NBAS: variants seen among roughly 807,000 people sequenced by gnomAD.
NBAS encodes NBAS subunit of NRZ tethering complex, also known as NAG/BC035112 fusion.
NBAS carries 219 observed loss-of-function variants against 302.5 expected under a neutral mutation model. The ratio of observed to expected loss-of-function variants is 0.72; its 90% CI spans 0.65 to 0.81. The LOEUF is 0.81. Among genes scored for constraint, NBAS ranks in the 30% least tolerant of loss-of-function variants. The probability of loss-of-function intolerance (pLI) is 0.00; values close to 1 mark genes in which losing one functional copy is unlikely to be tolerated. For synonymous variants in NBAS, 1,118 were observed against 1,021.6 expected (o/e 1.09, Z -1.80); for missense variants, 2,932 against 2,841.6 (o/e 1.03, Z -0.72).
chr2:15,406,247 A>T (rs1676410463), intron 25 of NBAS, among the ~76,000 whole-genome samples: 2 of 152,154 alleles, frequency 1.3e-5, no homozygotes, highest in African/African-American at 2.4e-5. Flanking sequence ...TAGAATATAG[A>T]AACTCTAGAA....
chr2:15,068,641 A>G, the NBAS span, among the ~76,000 whole-genome samples: 1 of 152,214 alleles, frequency 6.6e-6, no homozygotes, highest in Admixed American at 6.5e-5. Flanking sequence ...AGCAGTAGTT[A>G]ATAGGGGTAG....
chr2:15,305,449 G>GC lies in NBAS; in HGVS notation c.4797+2766_4797+2767insG, dbSNP rs766552962. ...TTTATAAATTACTCAGTCTCGAGCA[G>GC]TTTTTTTTTTTTTTTTTTTTTAGAT... On this transcript the variant is annotated intron_variant, in intron 40 of 51. Coordinates refer to ENST00000281513, the MANE Select transcript of NBAS (RefSeq NM_015909.4). Among the ~76,000 whole-genome samples, 215 of 123,772 alleles carry GC rather than the reference G, an allele frequency of 1.7e-3. 6 individuals carry two copies. The highest frequency in any genetic ancestry group is 1.0e-3 in the Admixed American group (12 of 11,890). 81.2% of individuals were successfully genotyped at this position (123,772 alleles called of 152,430 possible).
the NBAS span, among the ~76,000 whole-genome samples, chr2:15,102,609 C>T: frequency 6.6e-6 from 1 of 152,098 alleles, no homozygotes; most frequent in Non-Finnish European, 1.5e-5. Context: ...TATAGGCACT[C>T]ACAGGTTTGA....
chr2:15,056,610 A>G, the NBAS span, among the ~76,000 whole-genome samples: 1 of 152,316 alleles, frequency 6.6e-6, no homozygotes, highest in South Asian at 2.1e-4. Context: ...TCACTACAGA[A>G]CATCTGGAGA....
chr2:15,454,357 T>G (rs1679154519), intron 21 of NBAS, among the ~76,000 whole-genome samples: 1 of 152,070 alleles, frequency 6.6e-6, no homozygotes, highest in East Asian at 1.9e-4. Flanking sequence ...CTAAATGCAA[T>G]GTGGTATCCT....
At chr2:15,350,442 G>A (rs1673297821) in intron 35 of NBAS, among the ~76,000 whole-genome samples, 1 of 152,160 alleles carries the variant, frequency 6.6e-6, no homozygotes, top group African/African-American at 2.4e-5. Flanking sequence ...AATTTGTCTA[G>A]CTGGGATGTC....
chr2:15,353,652 G>C lies in NBAS; in HGVS notation c.3990C>G (p.Asp1330Glu), dbSNP rs769020796. ...CCATGAGCTCTTGACGAGTGGCCAA[G>C]TCCTGGTAACCTTCTGATTGTCCTA... ...SQLGQSEGYQDLATRQELMAF... is the reference protein window; with the variant it reads ...SQLGQSEGYQELATRQELMAF... The change falls in exon 34 of 52, where the codon GAC (aspartate) becomes GAG (glutamate). Residue 1330 changes from aspartate to glutamate, a missense_variant. Asp to Glu is a conservative substitution (Grantham distance 45). Transcript: ENST00000281513. 2 of 1,614,038 alleles carry C rather than the reference G, an allele frequency of 1.2e-6. No individual in the cohort carries two copies. Among genetic ancestry groups the C allele is most frequent in the Non-Finnish European group, 1.7e-6 (2 of 1,179,952 alleles).
At chr2:14,844,244 T>C in the NBAS span, among the ~76,000 whole-genome samples, 3 of 152,112 alleles carry the variant, frequency 2.0e-5, no homozygotes, top group African/African-American at 7.2e-5. Context: ...GTCAGAGTCA[T>C]CGTGAGGGCC....
chr2:15,046,512 G>A, the NBAS span, among the ~76,000 whole-genome samples: 9 of 152,120 alleles, frequency 5.9e-5, no homozygotes, highest in Non-Finnish European at 1.3e-4. Context: ...CAATTATAAT[G>A]AGAATAATTT....
chr2:15,149,046 A>G, the NBAS span, among the ~76,000 whole-genome samples: 1 of 152,372 alleles, frequency 6.6e-6, no homozygotes, highest in Middle Eastern at 3.4e-3. Flanking sequence ...TAAATGAATG[A>G]CTATTGCTGT....
At chr2:15,177,485 C>T (rs1664603070) in intron 51 of NBAS, among the ~76,000 whole-genome samples, 1 of 152,162 alleles carries the variant, frequency 6.6e-6, no homozygotes, top group Non-Finnish European at 1.5e-5. Context: ...AACTGATACA[C>T]TCTGCCCATG....
chr2:15,029,031 T>C, the NBAS span, among the ~76,000 whole-genome samples: 4 of 152,302 alleles, frequency 2.6e-5, no homozygotes, highest in South Asian at 2.1e-4. Context: ...TATTAGTTTG[T>C]AGGCTTCTAG....
chr2:15,522,857 C>G (rs1037362676), intron 9 of NBAS, among the ~76,000 whole-genome samples: 4 of 152,038 alleles, frequency 2.6e-5, no homozygotes, highest in Admixed American at 2.6e-4. Context: ...TCTATTAACA[C>G]GTTTTATATT....
intron 6 of NBAS, among the ~76,000 whole-genome samples, chr2:15,545,463 C>T (rs1190495939): frequency 6.6e-6 from 1 of 152,084 alleles, no homozygotes; most frequent in African/African-American, 2.4e-5. Context: ...GTACAAATCT[C>T]AAAACCGATA....
At chr2:15,308,131 C>G in intron 40 of NBAS, 85 bp downstream of exon 40, 2 of 1,585,906 alleles carry the variant, frequency 1.3e-6, no homozygotes, top group South Asian at 1.1e-5. Context: ...GTAATCAGTT[C>G]CTCCAAAAAT....
chr2:15,008,339 T>C, the NBAS span, among the ~76,000 whole-genome samples: 19 of 152,220 alleles, frequency 1.2e-4, no homozygotes, highest in Non-Finnish European at 2.4e-4. Flanking sequence ...GACCCATTCC[T>C]CTTGGAGTTA....
At chr2:14,906,439 A>T in the NBAS span, among the ~76,000 whole-genome samples, 1 of 152,212 alleles carries the variant, frequency 6.6e-6, no homozygotes, top group Non-Finnish European at 1.5e-5. Context: ...TTCTAATTGA[A>T]TGCACTGGCT....
intron 21 of NBAS, among the ~76,000 whole-genome samples, chr2:15,460,013 C>T (rs367657951): frequency 8.8e-5 from 7 of 79,176 alleles, no homozygotes; most frequent in Non-Finnish European, 1.3e-4. Context: ...GAAATAAGTG[C>T]CAAATACATA....
At chr2:15,053,961 G>C in the NBAS span, among the ~76,000 whole-genome samples, 1 of 152,030 alleles carries the variant, frequency 6.6e-6, no homozygotes, top group African/African-American at 2.4e-5. Flanking sequence ...AAATAGAAGA[G>C]GGGGACTAGC....
Sources: allele counts gnomAD v4.1 joint callset (sites outside exome capture counted in the v4.1 genomes callset), GRCh38; gene constraint gnomAD v4.1.1; transcripts MANE v1.5; gene names NCBI Gene and HGNC (gene_info 2026-07-23, HGNC 2026-07-21).